Variants in SETD2 observed in about 807,000 individuals in gnomAD.
SETD2 encodes SET domain containing 2, histone lysine methyltransferase.
SETD2 carries 31 observed loss-of-function variants against 242.1 expected under a neutral mutation model. The observed-to-expected ratio is 0.13, with a 90% confidence interval of 0.10 to 0.17. SETD2 has a LOEUF of 0.17. Among genes scored for constraint, SETD2 ranks in the 10% least tolerant of loss-of-function variants. The pLI, the probability that SETD2 is intolerant of heterozygous loss-of-function variation, is 1.00. For missense variants in SETD2, 2,481 were observed against 3,046.3 expected, an observed-to-expected ratio of 0.81 and a Z score of 4.37; for synonymous variants, 1,006 against 1,066.5, an observed-to-expected ratio of 0.94 and a Z score of 1.11.
intron 1 of SETD2, among the ~76,000 whole-genome samples, chr3:47,129,858 G>A (rs1307835111): frequency 2.0e-5 from 3 of 148,682 alleles, no homozygotes; most frequent in Admixed American, 6.8e-5. Context: ...TAGCCTGGGC[G>A]ACAGAATGAG....
At chr3:47,048,970 T>C (rs2039667565) in intron 15 of SETD2, among the ~76,000 whole-genome samples, 1 of 151,614 alleles carries the variant, frequency 6.6e-6, no homozygotes, top group Non-Finnish European at 1.5e-5. Flanking sequence ...CTGGCCTATA[T>C]TTTTTTTAAA....
At chr3:47,098,159 C>A (rs2107675409) in intron 8 of SETD2, 78 bp from the exon 9 acceptor site, 2 of 1,484,418 alleles carry the variant, frequency 1.3e-6, no homozygotes, top group South Asian at 1.2e-5. Flanking sequence ...ACACAAAAGT[C>A]ATACCAGTCT....
At chr3:47,028,013 G>GT (rs757729092) in intron 18 of SETD2, among the ~76,000 whole-genome samples, 15 of 151,646 alleles carry the variant, frequency 9.9e-5, no homozygotes, top group South Asian at 2.1e-4. Flanking sequence ...CCAGGATGCT[G>GT]GTTTTTTTGT....
intron 5 of SETD2, among the ~76,000 whole-genome samples, chr3:47,111,243 G>A (rs1559731226): frequency 6.6e-6 from 1 of 152,092 alleles, no homozygotes; most frequent in Non-Finnish European, 1.5e-5. Flanking sequence ...TATCAACAGT[G>A]TTCAAAGGAA....
Position 47,123,031 on chromosome 3 carries a change from A to T in SETD2, c.1605T>A (p.Asn535Lys), listed in dbSNP as rs777512115. Reference protein sequence around the residue: ...EAIKRCCSPPNELGFRRGSSY... With the variant: ...EAIKRCCSPPKELGFRRGSSY... ...ATGACCCTCGTCGGAATCCCAGTTCATTAGGGGGAGAACAACATCTTTTAA... is the reference window on the plus strand; with the variant it reads ...ATGACCCTCGTCGGAATCCCAGTTCTTTAGGGGGAGAACAACATCTTTTAA... The change falls in exon 3 of 21, where the codon AAT (asparagine) becomes AAA (lysine). Residue 535 changes from asparagine to lysine, a missense_variant. Transcript: ENST00000409792. The T allele has an allele frequency of 3.1e-6, 5 of 1,614,022 alleles. No homozygotes were observed. Among genetic ancestry groups the T allele is most frequent in the Admixed American group, 1.7e-5 (1 of 59,998 alleles).
chr3:47,162,184 TA>T (rs1398813891), intron 1 of SETD2, among the ~76,000 whole-genome samples: 5 of 152,150 alleles, frequency 3.3e-5, no homozygotes, highest in African/African-American at 9.7e-5. Flanking sequence ...AACAACCTGG[TA>T]AAAGGAAGTG....
In SETD2 at chr3:47,120,669, T is replaced by C. The variant is rs1575810763; in HGVS notation, c.3967A>G (p.Thr1323Ala). The C allele has an allele frequency of 6.2e-7, 1 of 1,614,138 alleles. No homozygotes were observed. Among genetic ancestry groups the C allele is most frequent in the Non-Finnish European group, 8.5e-7 (1 of 1,180,036 alleles). ...AGGGAATCTGGTACTTGTCCTTGAG[T>C]TCGATCATACACAACCCCAGTTCCA... ...PPGTGVVYDR[T>A]QGQVPDSLTD... The change falls in exon 3 of 21, where the codon ACT (threonine) becomes GCT (alanine). Residue 1323 changes from threonine to alanine, a missense_variant. This residue lies in a region of SETD2 where 1,300 missense variants were observed against 1,259.2 expected (regional missense o/e 1.03). Coordinates refer to ENST00000409792, the MANE Select transcript of SETD2 (RefSeq NM_014159.7).
intron 18 of SETD2, among the ~76,000 whole-genome samples, chr3:47,022,232 C>CACAA (rs1043249725): frequency 1.4e-5 from 2 of 144,542 alleles, no homozygotes; most frequent in East Asian, 4.1e-4. Flanking sequence ...CACACACACA[C>CACAA]AAATTTAGCA....
intron 18 of SETD2, among the ~76,000 whole-genome samples, chr3:47,021,825 C>G (rs929370610): frequency 3.3e-5 from 5 of 152,054 alleles, no homozygotes; most frequent in African/African-American, 1.2e-4. Flanking sequence ...ACCTTAGGAC[C>G]CCCCACTCCA....
intron 1 of SETD2, among the ~76,000 whole-genome samples, chr3:47,143,824 C>A (rs985532534): frequency 1.3e-5 from 2 of 152,134 alleles, no homozygotes; most frequent in African/African-American, 4.8e-5. Flanking sequence ...CATTCTCCTG[C>A]CTCAGCCTCC....
At chr3:47,117,283 AAC>A (rs1491232197) in intron 3 of SETD2, among the ~76,000 whole-genome samples, 14,908 of 102,536 alleles carry the variant, frequency 0.15, 1,635 homozygotes, top group African/African-American at 0.34. Context: ...AAAAAAAACA[AAC>A]AAAAAAAAAA....
intron 15 of SETD2, among the ~76,000 whole-genome samples, chr3:47,049,847 TTA>T (rs1290609690): frequency 1.4e-5 from 2 of 145,750 alleles, no homozygotes; most frequent in African/African-American, 5.0e-5. Flanking sequence ...TGAGTTTATA[TTA>T]TATATAATAT....
chr3:47,124,881 A>G (rs1327228565), intron 2 of SETD2, among the ~76,000 whole-genome samples: 1 of 151,950 alleles, frequency 6.6e-6, no homozygotes, highest in Non-Finnish European at 1.5e-5. Flanking sequence ...AAAACCTGAC[A>G]TATGTTTGAA....
intron 1 of SETD2, among the ~76,000 whole-genome samples, chr3:47,147,681 T>C (rs1229406455): frequency 6.6e-6 from 1 of 151,258 alleles, no homozygotes; most frequent in Non-Finnish European, 1.5e-5. Flanking sequence ...CCCAGCACTT[T>C]GGGAGGCCAA....
At chr3:47,143,483 C>T (rs752374100) in intron 1 of SETD2, among the ~76,000 whole-genome samples, 1 of 152,174 alleles carries the variant, frequency 6.6e-6, no homozygotes. Flanking sequence ...ATCTTTTGTG[C>T]TCTTAAGGTA....
rs1421586594 is a variant in SETD2 at position 47,056,094 on chromosome 3, T to TTTTTATTTA, written c.6963+726_6963+727insTAAATAAAA. On this transcript the variant is annotated intron_variant, in intron 15 of 20. Transcript: ENST00000409792. ...AAAAAAAAAGAAAAGAAAACATGATTTTTATTTATTTATTTATTTATTTAT... is the reference window on the plus strand; with the variant it reads ...AAAAAAAAAGAAAAGAAAACATGATTTTTTATTTATTTATTTATTTATTTATTTATTTAT... Among the ~76,000 whole-genome samples, 444 of 116,418 alleles carry TTTTTATTTA rather than the reference T, an allele frequency of 3.8e-3. 1 individual carries two copies. The highest frequency in any genetic ancestry group is 7.3e-3 in the East Asian group (26 of 3,544). 76.4% of individuals were successfully genotyped at this position (116,418 alleles called of 152,430 possible).
chr3:47,041,597 T>G lies in SETD2; in HGVS notation c.7238+964A>C, dbSNP rs1387542883. On this transcript the variant is annotated intron_variant, in intron 17 of 20. Transcript: ENST00000409792. Reference sequence around the variant, plus strand: ...AAAGCAGACTACAAAAACATCTATCTTAACAATTTACGTAAGATTATATAG... The same window carrying G: ...AAAGCAGACTACAAAAACATCTATCGTAACAATTTACGTAAGATTATATAG... 2.0e-5 allele frequency among the ~76,000 whole-genome samples: 3 copies of G among 152,274 alleles called. No homozygotes were observed. In the East Asian group the frequency reaches 5.8e-4, roughly 29 times the overall value.
chr3:47,151,327 AT>A (rs2043977682), intron 1 of SETD2, among the ~76,000 whole-genome samples: 1 of 152,184 alleles, frequency 6.6e-6, no homozygotes, highest in African/African-American at 2.4e-5. Context: ...AATTATAAAA[AT>A]ACATATATAA....
intron 1 of SETD2, among the ~76,000 whole-genome samples, chr3:47,157,252 C>T (rs2044146609): frequency 6.6e-6 from 1 of 151,816 alleles, no homozygotes; most frequent in African/African-American, 2.4e-5. Context: ...AAGAGCGAAA[C>T]CCTGTCTCAA....
Sources: gnomAD v4.1 joint callset for allele counts (sites outside exome capture counted in the v4.1 genomes callset) on GRCh38, gnomAD v4.1.1 for gene constraint, gnomAD v4.1.1 regional missense constraint, MANE v1.5 for transcripts, NCBI Gene and HGNC (gene_info 2026-07-23, HGNC 2026-07-21) for gene names.